The following CDKN2B-AS1 variants were observed in gnomAD, a reference collection of about 807,000 sequenced individuals.
CDKN2B-AS1 encodes CDKN2B and CDKN2A antisense cis and trans regulatory RNA 1, also known as CDKN2B antisense RNA 1 (non-protein coding).
chr9:22,018,552 G>A (rs1000653798), intron 1 of CDKN2B-AS1, among the ~76,000 whole-genome samples: 5 of 152,174 alleles, frequency 3.3e-5, no homozygotes, highest in Non-Finnish European at 7.3e-5. Context: ...AGCTACTCGG[G>A]AGGCTGAGGG....
At chr9:22,114,349 G>A (rs537070461) in intron 4 of CDKN2B-AS1, among the ~76,000 whole-genome samples, 1 of 152,178 alleles carries the variant, frequency 6.6e-6, no homozygotes, top group Non-Finnish European at 1.5e-5. Context: ...TTGAATCACT[G>A]TGTTAGTTCA....
intron 3 of CDKN2B-AS1, among the ~76,000 whole-genome samples, chr9:22,051,164 G>C (rs748233744): frequency 2.0e-5 from 3 of 152,092 alleles, no homozygotes; most frequent in Non-Finnish European, 2.9e-5. Flanking sequence ...GTACATTTCA[G>C]CCTGCTCCTT....
chr9:22,060,301 A>G (rs1823761983), intron 4 of CDKN2B-AS1, among the ~76,000 whole-genome samples: 1 of 152,128 alleles, frequency 6.6e-6, no homozygotes, highest in Admixed American at 6.5e-5. Flanking sequence ...TCCGCCAAAT[A>G]CCCTAAATCA....
rs1821181674 is a variant in CDKN2B-AS1 at position 22,006,235 on chromosome 9, C to G, written n.29+11074C>G. 1 of 1,605,764 alleles carries G rather than the reference C, an allele frequency of 6.2e-7. No homozygotes were observed. The highest frequency in any genetic ancestry group is 8.5e-7 in the Non-Finnish European group (1 of 1,179,804). ...AGCAGCTCCGCCACGCGGGCGCTGC[C>G]CATCATCATGACCTGCCAGAGAGAG... On this transcript the variant is annotated intron_variant and non_coding_transcript_variant, in intron 1 of 4. Transcript: ENST00000650946. The surrounding 1 kb of genome is among the most constrained non-coding windows in gnomAD (Gnocchi z 6.4).
chr9:21,999,218 AG>A lies in CDKN2B-AS1; in HGVS notation n.29+4059del, dbSNP rs1820819774. The stretch of plus-strand genomic sequence containing the variant: ...TCTAGTCAAAACTGTATGAGAATAT[AG>A]GTACCCTTTGACTCAGCTATTCCAC... On this transcript the variant is annotated intron_variant and non_coding_transcript_variant, in intron 1 of 4. Coordinates refer to ENST00000650946, the Ensembl canonical transcript of CDKN2B-AS1. This position sits in a 1 kb window ranked among gnomAD's most constrained non-coding sequence, Gnocchi z 4.7. Among the ~76,000 whole-genome samples the A allele has an allele frequency of 1.3e-5, 2 of 152,140 alleles. No individual in the cohort carries two copies. Among genetic ancestry groups the A allele is most frequent in the South Asian group, 2.1e-4 (1 of 4,822 alleles).
At chr9:22,104,706 A>C (rs2131360292) in intron 4 of CDKN2B-AS1, among the ~76,000 whole-genome samples, 1 of 152,294 alleles carries the variant, frequency 6.6e-6, no homozygotes, top group South Asian at 2.1e-4. Context: ...TTGTTCATTT[A>C]CTTATTTAAT....
At chr9:22,050,966 T>G (rs1587459677) in intron 3 of CDKN2B-AS1, among the ~76,000 whole-genome samples, 2 of 152,316 alleles carry the variant, frequency 1.3e-5, no homozygotes, top group South Asian at 4.1e-4. Flanking sequence ...GCTTTTTCAC[T>G]GTGGTTCCAT....
chr9:22,049,571 G>A (rs945296373), intron 3 of CDKN2B-AS1, among the ~76,000 whole-genome samples: 1 of 152,152 alleles, frequency 6.6e-6, no homozygotes, highest in Non-Finnish European at 1.5e-5. Flanking sequence ...CACCAGCCAG[G>A]GCACATGGGC....
At chr9:21,998,334 T>G (rs1041633175) in intron 1 of CDKN2B-AS1, among the ~76,000 whole-genome samples, 1 of 152,236 alleles carries the variant, frequency 6.6e-6, no homozygotes, top group African/African-American at 2.4e-5. Flanking sequence ...TTCACTTATA[T>G]TACTTATTTT....
At chr9:22,081,042 T>A (rs1042330788) in intron 4 of CDKN2B-AS1, among the ~76,000 whole-genome samples, 2 of 152,208 alleles carry the variant, frequency 1.3e-5, no homozygotes, top group African/African-American at 2.4e-5. Context: ...CATACTGCAG[T>A]ACATTTTTTT....
chr9:22,055,608 G>C lies in CDKN2B-AS1; in HGVS notation n.303-644G>C, dbSNP rs1237337151. ...AAAATATAACTTTAAAAAAACCTTG[G>C]TTTTCTGTGATTGATCTTTTTCACT... On this transcript the variant is annotated intron_variant and non_coding_transcript_variant, in intron 3 of 4. Coordinates refer to ENST00000650946, the Ensembl canonical transcript of CDKN2B-AS1. Among the ~76,000 whole-genome samples the C allele has an allele frequency of 3.3e-5, 5 of 152,216 alleles. No homozygotes were observed. In the East Asian group the frequency reaches 5.8e-4, roughly 18 times the overall value.
intron 2 of CDKN2B-AS1, among the ~76,000 whole-genome samples, chr9:22,047,838 A>G (rs531005170): frequency 2.6e-4 from 40 of 151,278 alleles, no homozygotes; most frequent in African/African-American, 9.5e-4. Flanking sequence ...CCAGGCTGTA[A>G]TGCAGTGGCA....
rs1823051170 is a variant in CDKN2B-AS1, at chr9:22,045,043, T to TGTGG, written n.30-1705_30-1704insGGTG. Among the ~76,000 whole-genome samples the TGTGG allele has an allele frequency of 2.0e-5, 3 of 150,388 alleles. No homozygotes were observed. In the South Asian group the frequency reaches 6.3e-4, roughly 32 times the overall value. On this transcript the variant is annotated intron_variant and non_coding_transcript_variant, in intron 1 of 4. Transcript: ENST00000650946. ...TTTGGAAAAATATTATTTATTTGTG[T>TGTGG]GTGTGTGTGTGTGTGTGTGTGTGTG...
chr9:22,082,930 G>A (rs534235758), intron 4 of CDKN2B-AS1, among the ~76,000 whole-genome samples: 1 of 152,266 alleles, frequency 6.6e-6, no homozygotes, highest in South Asian at 2.1e-4. Flanking sequence ...ATCATTAGAG[G>A]TTCAGGCTTG....
rs1170362941 is a variant in CDKN2B-AS1, at chr9:22,000,416, C to T, written n.29+5255C>T. Among the ~76,000 whole-genome samples, 1 of 152,168 alleles carries T rather than the reference C, an allele frequency of 6.6e-6. No individual in the cohort carries two copies. Among genetic ancestry groups the T allele is most frequent in the Non-Finnish European group, 1.5e-5 (1 of 68,020 alleles). ...AACTACTAATTTTGGAATAGTCTTA[C>T]TGTGATAAGTCTAACTATCAAAGGC... is the stretch of plus-strand genomic sequence containing the variant. On this transcript the variant is annotated intron_variant and non_coding_transcript_variant, in intron 1 of 4. Transcript: ENST00000650946. This position sits in a 1 kb window ranked among gnomAD's most constrained non-coding sequence, Gnocchi z 4.1.
At chr9:22,018,396 G>C (rs375572753) in intron 1 of CDKN2B-AS1, among the ~76,000 whole-genome samples, 2 of 151,682 alleles carry the variant, frequency 1.3e-5, no homozygotes, top group African/African-American at 4.8e-5. Context: ...GGTGGCTCAC[G>C]CCTGTAATCC....
chr9:22,096,048 G>A (rs1216022902), intron 4 of CDKN2B-AS1, among the ~76,000 whole-genome samples: 1 of 152,068 alleles, frequency 6.6e-6, no homozygotes, highest in African/African-American at 2.4e-5. Context: ...AATCTAAGCT[G>A]AGTGTTGAGA....
At chr9:22,019,967 G>C (rs542614397) in intron 1 of CDKN2B-AS1, among the ~76,000 whole-genome samples, 3 of 152,180 alleles carry the variant, frequency 2.0e-5, no homozygotes, top group African/African-American at 7.2e-5. Flanking sequence ...TCATCACCCA[G>C]GTATTAAGTC....
At chr9:22,018,284 A>C (rs1587407628) in intron 1 of CDKN2B-AS1, among the ~76,000 whole-genome samples, 1 of 146,466 alleles carries the variant, frequency 6.8e-6, no homozygotes, top group African/African-American at 2.5e-5. Context: ...ACAGCTTTGG[A>C]TCCTGATGAC....
Sources: gnomAD v4.1 joint callset for allele counts (sites outside exome capture counted in the v4.1 genomes callset) on GRCh38, gnomAD v4.1.1 for gene constraint, Gnocchi (gnomAD v3.1) non-coding constraint, MANE v1.5 for transcripts, NCBI Gene and HGNC (gene_info 2026-07-23, HGNC 2026-07-21) for gene names.